Variants in RPTOR observed in about 807,000 individuals in gnomAD.
RPTOR encodes the protein regulatory associated protein of MTOR complex 1.
A neutral mutation model predicts 169.9 loss-of-function variants in RPTOR; 21 were observed. The observed-to-expected ratio is 0.12, with a 90% confidence interval of 0.09 to 0.18. The LOEUF is 0.18. Ranked by LOEUF, RPTOR falls within the 10% of genes least tolerant of loss-of-function variation. The probability of loss-of-function intolerance (pLI) is 1.00; values close to 1 mark genes in which losing one functional copy is unlikely to be tolerated. For missense variants in RPTOR, 1,133 were observed against 1,855.9 expected, an observed-to-expected ratio of 0.61 and a Z score of 7.16; for synonymous variants, 732 against 753.2, an observed-to-expected ratio of 0.97 and a Z score of 0.46.
At chr17:80,563,817 T>A (rs1329335898) in intron 1 of RPTOR, among the ~76,000 whole-genome samples, 1 of 152,046 alleles carries the variant, frequency 6.6e-6, no homozygotes, top group Admixed American at 6.6e-5. Context: ...TTGAAGATCC[T>A]CTGTGCCCCC....
intron 13 of RPTOR, among the ~76,000 whole-genome samples, chr17:80,872,769 G>A (rs1026752574): frequency 6.6e-6 from 1 of 152,196 alleles, no homozygotes; most frequent in Admixed American, 6.5e-5. Flanking sequence ...CTCGCCCTTT[G>A]CAAGATGGAT....
intron 25 of RPTOR, among the ~76,000 whole-genome samples, chr17:80,943,651 C>T (rs750848713): frequency 2.4e-4 from 36 of 152,224 alleles, no homozygotes; most frequent in Non-Finnish European, 5.0e-4. Context: ...CCTGCCAGAG[C>T]ACAAGCCCAC....
At chr17:80,816,202 C>T (rs745392769) in intron 7 of RPTOR, among the ~76,000 whole-genome samples, 3 of 152,274 alleles carry the variant, frequency 2.0e-5, no homozygotes, top group Non-Finnish European at 4.4e-5. Flanking sequence ...GAGCCATCAG[C>T]CTGTGTAGCG....
chr17:80,844,358 G>A lies in RPTOR; in HGVS notation c.1213-2115G>A, dbSNP rs1292364166. Among the ~76,000 whole-genome samples, 1 of 152,102 alleles carries A rather than the reference G, an allele frequency of 6.6e-6. No homozygotes were observed. The highest frequency in any genetic ancestry group is 2.4e-5 in the African/African-American group (1 of 41,416). ...CATGGAGTAGTGACTCCAGCAGTGA[G>A]GAACATGTGAAAATCCATCAGGCAA... On this transcript the variant is annotated intron_variant, in intron 10 of 33. Transcript: ENST00000306801. The surrounding 1 kb of genome is among the most constrained non-coding windows in gnomAD (Gnocchi z 4.7).
In RPTOR at chr17:80,853,825, A is replaced by G. The variant is rs146134274; in HGVS notation, c.1315-1639A>G. 4.1e-3 allele frequency among the ~76,000 whole-genome samples: 631 copies of G among 152,242 alleles called. 1 individual carries two copies. Among genetic ancestry groups the G allele is most frequent in the Non-Finnish European group, 6.4e-3 (432 of 68,004 alleles). On this transcript the variant is annotated intron_variant, in intron 11 of 33. Transcript: ENST00000306801. ...AACCCCGTCTCTACTAAAAATACAA[A>G]AATAAATTAGCCGGTCATGGTGGCA... is the stretch of plus-strand genomic sequence containing the variant.
intron 20 of RPTOR, among the ~76,000 whole-genome samples, chr17:80,899,029 C>T (rs1394900517): frequency 6.6e-6 from 1 of 152,080 alleles, no homozygotes; most frequent in Admixed American, 6.6e-5. Flanking sequence ...ACCATGCCCT[C>T]CAGGGTATGG....
chr17:80,767,450 T>C (rs1301390471), intron 6 of RPTOR, among the ~76,000 whole-genome samples: 1 of 152,224 alleles, frequency 6.6e-6, no homozygotes, highest in African/African-American at 2.4e-5. Flanking sequence ...CAGTAAATTC[T>C]TCATCTTAGA....
intron 17 of RPTOR, among the ~76,000 whole-genome samples, chr17:80,889,860 TGCAGCAGGA>T (rs2068296349): frequency 1.8e-5 from 1 of 56,984 alleles, no homozygotes; most frequent in African/African-American, 1.2e-4. Flanking sequence ...GGCCCCCGTA[TGCAGCAGGA>T]TGTGCGGCCT....
chr17:80,793,590 C>T (rs2067071606), intron 7 of RPTOR, among the ~76,000 whole-genome samples: 1 of 152,198 alleles, frequency 6.6e-6, no homozygotes, highest in Non-Finnish European at 1.5e-5. Context: ...TCGTCTCCAT[C>T]CTGGATGGCT....
intron 20 of RPTOR, among the ~76,000 whole-genome samples, chr17:80,907,758 T>C (rs946395000): frequency 6.6e-6 from 1 of 152,226 alleles, no homozygotes; most frequent in Non-Finnish European, 1.5e-5. Flanking sequence ...TGTTTTATTG[T>C]TCAATGTCTT....
At chr17:80,783,470 A>C (rs1452938013) in intron 6 of RPTOR, among the ~76,000 whole-genome samples, 1 of 152,242 alleles carries the variant, frequency 6.6e-6, no homozygotes, top group African/African-American at 2.4e-5. Context: ...CCAAATACTT[A>C]ATCATTTCTT....
chr17:80,943,492 C>A (rs1469073324), intron 25 of RPTOR, among the ~76,000 whole-genome samples: 1 of 152,144 alleles, frequency 6.6e-6, no homozygotes, highest in Non-Finnish European at 1.5e-5. Context: ...TCCCGCCTCG[C>A]AGATTGGATC....
chr17:80,603,331 T>A (rs943128575), intron 1 of RPTOR, among the ~76,000 whole-genome samples: 6 of 152,224 alleles, frequency 3.9e-5, no homozygotes, highest in African/African-American at 1.4e-4. Context: ...TTCTGGGAGC[T>A]TCACATCTAG....
intron 1 of RPTOR, among the ~76,000 whole-genome samples, chr17:80,554,769 A>AAAACAAAACAAAC (rs1555713031): frequency 6.0e-5 from 9 of 148,772 alleles, no homozygotes; most frequent in South Asian, 2.2e-4. Context: ...AAAACAAAAC[A>AAAACAAAACAAAC]AACAACAACA....
In RPTOR at chr17:80,722,539, C is replaced by T. The variant is rs146777820; in HGVS notation, c.508-8021C>T. Among the ~76,000 whole-genome samples, 245 of 150,746 alleles carry T rather than the reference C, an allele frequency of 1.6e-3. 9 individuals carry two copies. The Middle Eastern group carries it at 0.034, about 21-fold the overall frequency. On this transcript the variant is annotated intron_variant, in intron 4 of 33. Transcript: ENST00000306801. ...AGAGTGTGTGTTTGAGGGGAGACGGCGCATAGATGTCAGGTGGGGCAGGAA... is the reference window on the plus strand; with the variant it reads ...AGAGTGTGTGTTTGAGGGGAGACGGTGCATAGATGTCAGGTGGGGCAGGAA...
intron 4 of RPTOR, among the ~76,000 whole-genome samples, chr17:80,711,541 T>G (rs1256732723): frequency 6.6e-6 from 1 of 152,192 alleles, no homozygotes; most frequent in Non-Finnish European, 1.5e-5. Flanking sequence ...TTGCAAAATG[T>G]GCACTAAATT....
Position 80,964,116 on chromosome 17 carries a change from C to T in RPTOR, c.3940-146C>T, listed in dbSNP as rs376592445. 897 of 698,334 alleles carry T rather than the reference C, an allele frequency of 1.3e-3. 9 individuals carry two copies. The East Asian group carries it at 0.013, about 10-fold the overall frequency. 43.3% of individuals were successfully genotyped at this position (698,334 alleles called of 1,614,324 possible). The stretch of plus-strand genomic sequence containing the variant: ...CTGCAGAGGACTGGTGGGACCGGCC[C>T]GGCATTTCCGGGCCTGAGGTGGGCG... On this transcript the variant is annotated intron_variant, in intron 33 of 33. Transcript: ENST00000306801.
chr17:80,950,068 T>G (rs148787934), intron 28 of RPTOR, among the ~76,000 whole-genome samples: 2 of 152,084 alleles, frequency 1.3e-5, no homozygotes, highest in East Asian at 3.9e-4. Flanking sequence ...ACGGCCTGGG[T>G]GCGGGGCGAG....
chr17:80,691,127 A>T (rs1457321128), intron 3 of RPTOR, among the ~76,000 whole-genome samples: 1 of 152,196 alleles, frequency 6.6e-6, no homozygotes, highest in Non-Finnish European at 1.5e-5. Context: ...ATCTCTATAT[A>T]AAGAAACCCT....
Sources: gnomAD v4.1 joint callset for allele counts (sites outside exome capture counted in the v4.1 genomes callset) on GRCh38, gnomAD v4.1.1 for gene constraint, Gnocchi (gnomAD v3.1) non-coding constraint, MANE v1.5 for transcripts, NCBI Gene and HGNC (gene_info 2026-07-23, HGNC 2026-07-21) for gene names.